The following SNTG1 variants were observed in gnomAD, a reference collection of about 807,000 sequenced individuals.
SNTG1 encodes the protein syntrophin gamma 1, also known as gamma-1-syntrophin.
A neutral mutation model predicts 74.7 loss-of-function variants in SNTG1; 39 were observed. That is an observed-to-expected ratio of 0.52 (90% CI 0.40 to 0.68). SNTG1 has a LOEUF of 0.68. Ranked by LOEUF, SNTG1 falls within the 30% of genes least tolerant of loss-of-function variation. The pLI is 0.00. For synonymous variants in SNTG1, 254 were observed against 217.1 expected (o/e 1.17, Z -1.49); for missense variants, 685 against 609.5 (o/e 1.12, Z -1.30).
chr8:50,636,637 G>A (rs1446735516), intron 13 of SNTG1, among the ~76,000 whole-genome samples: 1 of 152,150 alleles, frequency 6.6e-6, no homozygotes, highest in African/African-American at 2.4e-5. Context: ...CACTGACAGA[G>A]TATGGAGGAG....
intron 12 of SNTG1, among the ~76,000 whole-genome samples, chr8:50,581,142 A>T (rs140521825): frequency 6.6e-6 from 1 of 152,348 alleles, no homozygotes; most frequent in African/African-American, 2.4e-5. Context: ...TTAATCATCC[A>T]TCTTATCAAG....
At chr8:50,785,400 C>T (rs958250997) in intron 18 of SNTG1, among the ~76,000 whole-genome samples, 1 of 151,690 alleles carries the variant, frequency 6.6e-6, no homozygotes, top group Non-Finnish European at 1.5e-5. Context: ...TAAATAATTG[C>T]TAAACATTTA....
intron 1 of SNTG1, among the ~76,000 whole-genome samples, chr8:50,128,555 A>G (rs2081217298): frequency 6.6e-6 from 1 of 152,094 alleles, no homozygotes; most frequent in South Asian, 2.1e-4. Context: ...TAAACCATAT[A>G]TTGTTCCCAA....
chr8:50,581,631 T>C (rs945230573), intron 12 of SNTG1, among the ~76,000 whole-genome samples: 6 of 152,210 alleles, frequency 3.9e-5, no homozygotes, highest in African/African-American at 1.4e-4. Context: ...CCAAATATGT[T>C]GCATTTACTC....
At chr8:50,032,198 T>A (rs1817794195) in intron 1 of SNTG1, among the ~76,000 whole-genome samples, 1 of 152,092 alleles carries the variant, frequency 6.6e-6, no homozygotes, top group South Asian at 2.1e-4. Context: ...TTTTTCAGTC[T>A]TGCTACAGAT....
At chr8:49,922,006 C>T (rs1316079260) in intron 1 of SNTG1, among the ~76,000 whole-genome samples, 1 of 151,970 alleles carries the variant, frequency 6.6e-6, no homozygotes, top group Non-Finnish European at 1.5e-5. Flanking sequence ...CGTGATTTGC[C>T]TTCTCTGCTT....
rs147903837 is a variant in SNTG1, at chr8:50,725,073, T to C, written c.1284+16095T>C. Among the ~76,000 whole-genome samples the C allele has an allele frequency of 2.0e-3, 301 of 152,282 alleles. 3 individuals carry two copies. Among genetic ancestry groups the C allele is most frequent in the African/African-American group, 7.1e-3 (294 of 41,576 alleles). On this transcript the variant is annotated intron_variant, in intron 17 of 18. Coordinates refer to ENST00000642720, the MANE Select transcript of SNTG1 (RefSeq NM_018967.5). ...GAAAACTTCATATTCAAAATGAGTATATTTCATTTATATGGAGAATCGTTG... is the reference window on the plus strand; with the variant it reads ...GAAAACTTCATATTCAAAATGAGTACATTTCATTTATATGGAGAATCGTTG...
intron 2 of SNTG1, among the ~76,000 whole-genome samples, chr8:50,336,682 A>G (rs2130910818): frequency 6.6e-6 from 1 of 152,306 alleles, no homozygotes; most frequent in African/African-American, 2.4e-5. Context: ...TGTTTGTTTG[A>G]AGGCTTAATA....
At chr8:50,130,573 C>A (rs530080321) in intron 1 of SNTG1, among the ~76,000 whole-genome samples, 1 of 152,116 alleles carries the variant, frequency 6.6e-6, no homozygotes, top group African/African-American at 2.4e-5. Flanking sequence ...AATGCAAATA[C>A]CAGCTTGCCT....
chr8:50,416,854 G>A (rs1051293512), intron 4 of SNTG1, among the ~76,000 whole-genome samples: 41 of 59,146 alleles, frequency 6.9e-4, no homozygotes, highest in Admixed American at 1.1e-3. Flanking sequence ...CTGCATTAGA[G>A]CAATGGAGTC....
intron 1 of SNTG1, among the ~76,000 whole-genome samples, chr8:49,938,606 TC>T (rs1563371060): frequency 2.0e-5 from 2 of 101,760 alleles, no homozygotes; most frequent in African/African-American, 8.9e-5. Context: ...TCTTTTCTTT[TC>T]TTTCTTTCTT....
intron 2 of SNTG1, among the ~76,000 whole-genome samples, chr8:50,249,743 A>G (rs1022847616): frequency 1.3e-5 from 2 of 152,188 alleles, no homozygotes; most frequent in Admixed American, 1.3e-4. Flanking sequence ...TGCACAGAGA[A>G]CATGCTACTG....
chr8:50,736,038 G>A (rs1429000835), intron 17 of SNTG1, among the ~76,000 whole-genome samples: 4 of 151,894 alleles, frequency 2.6e-5, no homozygotes, highest in Admixed American at 2.6e-4. Context: ...ATACCCAAAG[G>A]AGAAATAAAA....
chr8:50,691,209 C>G (rs1035623402), intron 15 of SNTG1, among the ~76,000 whole-genome samples: 3 of 152,088 alleles, frequency 2.0e-5, no homozygotes, highest in African/African-American at 7.2e-5. Context: ...TCCAATTTGC[C>G]AGTCTGTGTC....
intron 1 of SNTG1, among the ~76,000 whole-genome samples, chr8:49,932,432 T>C (rs911637283): frequency 1.3e-5 from 2 of 152,086 alleles, no homozygotes; most frequent in Non-Finnish European, 2.9e-5. Context: ...GATTTATTAA[T>C]ATTAAATAAT....
chr8:49,995,110 TAAGAG>T, intron 1 of SNTG1, among the ~76,000 whole-genome samples: 1 of 152,130 alleles, frequency 6.6e-6, no homozygotes, highest in Admixed American at 6.6e-5. Flanking sequence ...AATAATGAAA[TAAGAG>T]AAGAAGAAAT....
chr8:50,092,199 C>G (rs903592666), intron 1 of SNTG1, among the ~76,000 whole-genome samples: 1 of 152,156 alleles, frequency 6.6e-6, no homozygotes, highest in African/African-American at 2.4e-5. Flanking sequence ...GAGGACATAG[C>G]AGGGACTTCA....
chr8:50,391,713 G>A (rs908498048), intron 2 of SNTG1, among the ~76,000 whole-genome samples: 6 of 151,938 alleles, frequency 3.9e-5, no homozygotes, highest in African/African-American at 1.5e-4. Flanking sequence ...GATTTTTTTG[G>A]TTGGTAGACT....
intron 13 of SNTG1, among the ~76,000 whole-genome samples, chr8:50,627,120 C>T (rs2094961701): frequency 6.6e-6 from 1 of 152,098 alleles, no homozygotes; most frequent in Non-Finnish European, 1.5e-5. Context: ...GATTTAAACA[C>T]CTCTCTTCAT....
Sources: allele counts gnomAD v4.1 joint callset (sites outside exome capture counted in the v4.1 genomes callset), GRCh38; gene constraint gnomAD v4.1.1; transcripts MANE v1.5; gene names NCBI Gene and HGNC (gene_info 2026-07-23, HGNC 2026-07-21).